The following CCDC85A variants were observed in gnomAD, a reference collection of about 807,000 sequenced individuals.
CCDC85A encodes the protein coiled-coil domain containing 85A, also known as coiled-coil domain-containing protein 85A.
In CCDC85A, 38 loss-of-function variants were observed where a neutral mutation model predicts 50.2. The ratio of observed to expected loss-of-function variants is 0.76; its 90% CI spans 0.58 to 0.99. CCDC85A has a LOEUF of 0.99. Ranked by LOEUF, CCDC85A falls within the 50% of genes least tolerant of loss-of-function variation. CCDC85A has a pLI of 0.00. For synonymous variants in CCDC85A, 366 were observed against 301.4 expected, an observed-to-expected ratio of 1.21 and a Z score of -2.22; for missense variants, 820 against 742.0, an observed-to-expected ratio of 1.11 and a Z score of -1.22.
intron 2 of CCDC85A, among the ~76,000 whole-genome samples, chr2:56,219,992 A>G (rs911789281): frequency 2.6e-5 from 4 of 151,954 alleles, no homozygotes; most frequent in Non-Finnish European, 2.9e-5. Flanking sequence ...GAGGTGACCA[A>G]CCATATGGGG....
At chr2:56,220,342 A>AT (rs1253601487) in intron 2 of CCDC85A, among the ~76,000 whole-genome samples, 10 of 152,016 alleles carry the variant, frequency 6.6e-5, no homozygotes, top group South Asian at 2.1e-4. Flanking sequence ...ATATTTTAGG[A>AT]TTTTTTTTAA....
intron 2 of CCDC85A, among the ~76,000 whole-genome samples, chr2:56,333,999 T>G (rs1673952153): frequency 6.6e-6 from 1 of 152,198 alleles, no homozygotes; most frequent in South Asian, 2.1e-4. Context: ...CCTTTCTTTC[T>G]GCCTAAAACC....
At chr2:56,295,251 C>T (rs1033152621) in intron 2 of CCDC85A, among the ~76,000 whole-genome samples, 2 of 152,066 alleles carry the variant, frequency 1.3e-5, no homozygotes, top group Non-Finnish European at 2.9e-5. Context: ...TTTATTGGAC[C>T]TTCAAGTATT....
At chr2:56,383,790 CT>C in intron 5 of CCDC85A, 1 of 961,450 alleles carries the variant, frequency 1.0e-6, no homozygotes, top group Non-Finnish European at 1.2e-6. Context: ...CACTGATATC[CT>C]TTGTTATGGA....
Position 56,191,341 on chromosome 2 carries a change from T to C in CCDC85A, c.277-1136T>C, listed in dbSNP as rs533907001. Reference sequence around the variant, plus strand: ...TCAGGGTCTTTGCTGTGTCCACTGATATATCCCTACCACCTGGACTGGTAC... The same window carrying C: ...TCAGGGTCTTTGCTGTGTCCACTGACATATCCCTACCACCTGGACTGGTAC... On this transcript the variant is annotated intron_variant, in intron 1 of 5. Transcript: ENST00000407595. 1.9e-4 allele frequency among the ~76,000 whole-genome samples: 29 copies of C among 152,332 alleles called. No individual in the cohort carries two copies. In the South Asian group the frequency reaches 5.8e-3, roughly 30 times the overall value.
chr2:56,295,617 A>G (rs574828903), intron 2 of CCDC85A, among the ~76,000 whole-genome samples: 1 of 152,234 alleles, frequency 6.6e-6, no homozygotes, highest in South Asian at 2.1e-4. Flanking sequence ...ACAAAAAGAA[A>G]TGGCCCCTCT....
At chr2:56,364,234 C>T (rs1326310705) in intron 3 of CCDC85A, among the ~76,000 whole-genome samples, 2 of 152,126 alleles carry the variant, frequency 1.3e-5, no homozygotes, top group Non-Finnish European at 1.5e-5. Context: ...TTAGCCCTTT[C>T]AAAAGATATT....
chr2:56,208,166 T>C (rs1337009661), intron 2 of CCDC85A, among the ~76,000 whole-genome samples: 1 of 152,160 alleles, frequency 6.6e-6, no homozygotes, highest in Non-Finnish European at 1.5e-5. Context: ...TTTCTAATTT[T>C]ATCCATACAA....
intron 2 of CCDC85A, among the ~76,000 whole-genome samples, chr2:56,228,698 A>G (rs941462485): frequency 6.6e-6 from 1 of 151,752 alleles, no homozygotes; most frequent in Non-Finnish European, 1.5e-5. Context: ...ATGCCTGGCT[A>G]ATTTTTTTGT....
intron 2 of CCDC85A, among the ~76,000 whole-genome samples, chr2:56,336,596 T>C (rs997745369): frequency 1.3e-5 from 2 of 152,212 alleles, no homozygotes; most frequent in African/African-American, 2.4e-5. Context: ...CCTTAGACAG[T>C]TGCAAATACC....
Position 56,193,277 on chromosome 2 carries a change from G to A in CCDC85A, c.1077G>A (p.Pro359=), listed in dbSNP as rs747831885. Residue 359 remains proline (P), a synonymous_variant, in exon 2 of 6, where the codon CCG becomes CCA. Coordinates refer to ENST00000407595, the MANE Select transcript of CCDC85A (RefSeq NM_001080433.2). ...TCCCCAGAGCCAGGGGCACCAGCCC[G>A]GAGCACCTCAAACAACATTATGGAG... ...EHLPRARGTS[P]EHLKQHYGGS... is the part of the protein sequence containing the mutation. 7.4e-6 allele frequency: 12 copies of A among 1,613,882 alleles called. 1 individual carries two copies. In the South Asian group the frequency reaches 1.2e-4, roughly 16 times the overall value.
intron 3 of CCDC85A, among the ~76,000 whole-genome samples, chr2:56,356,798 G>A (rs1004574455): frequency 4.0e-5 from 6 of 150,940 alleles, no homozygotes; most frequent in South Asian, 2.1e-4. Context: ...GGCCGGGCAC[G>A]ATGGCTCATG....
intron 2 of CCDC85A, among the ~76,000 whole-genome samples, chr2:56,279,420 T>TC (rs983519253): frequency 6.6e-6 from 1 of 151,986 alleles, no homozygotes; most frequent in Non-Finnish European, 1.5e-5. Flanking sequence ...TCCTTATTTC[T>TC]CCCCCTCCCA....
chr2:56,242,155 T>C (rs1173015415), intron 2 of CCDC85A, among the ~76,000 whole-genome samples: 1 of 152,186 alleles, frequency 6.6e-6, no homozygotes, highest in Admixed American at 6.6e-5. Flanking sequence ...TTCAGATCTT[T>C]TGTCAGTTTT....
At chr2:56,366,665 C>T (rs1366685650) in intron 3 of CCDC85A, among the ~76,000 whole-genome samples, 3 of 152,128 alleles carry the variant, frequency 2.0e-5, no homozygotes, top group African/African-American at 7.2e-5. Flanking sequence ...TTTAGGAACT[C>T]ACATTAGCCA....
chr2:56,241,836 A>G (rs1669271151), intron 2 of CCDC85A, among the ~76,000 whole-genome samples: 1 of 152,174 alleles, frequency 6.6e-6, no homozygotes, highest in Admixed American at 6.5e-5. Flanking sequence ...TTTTTTGGGT[A>G]TATGCCTAAC....
At chr2:56,372,213 A>T (rs1676107578) in intron 3 of CCDC85A, 131 bp from the exon 4 acceptor site, 2 of 785,708 alleles carry the variant, frequency 2.5e-6, no homozygotes, top group East Asian at 6.4e-5. Context: ...CCCTAGCTAC[A>T]GGTGCATGTT....
chr2:56,304,038 A>C (rs909825000), intron 2 of CCDC85A, among the ~76,000 whole-genome samples: 2 of 152,162 alleles, frequency 1.3e-5, no homozygotes, highest in African/African-American at 4.8e-5. Context: ...TGTCCTAGTG[A>C]TTTTCATCAA....
chr2:56,384,396 A>G lies in CCDC85A; in HGVS notation c.*41A>G. The G allele has an allele frequency of 6.6e-7, 1 of 1,518,042 alleles. No individual in the cohort carries two copies. 94.0% of individuals were successfully genotyped at this position (1,518,042 alleles called of 1,614,324 possible). On this transcript the variant is annotated 3_prime_UTR_variant, in exon 6 of 6. Transcript: ENST00000407595. ...AAACAGGAGATCACCACTGCCAGAAAGTGATAGAAGACAAGAAGAAAAAGG... is the reference window on the plus strand; with the variant it reads ...AAACAGGAGATCACCACTGCCAGAAGGTGATAGAAGACAAGAAGAAAAAGG...
Sources: allele counts gnomAD v4.1 joint callset (sites outside exome capture counted in the v4.1 genomes callset), GRCh38; gene constraint gnomAD v4.1.1; transcripts MANE v1.5; gene names NCBI Gene and HGNC (gene_info 2026-07-23, HGNC 2026-07-21).